MGAT4C: variants seen among roughly 807,000 people sequenced by gnomAD.
MGAT4C encodes MGAT4 family member C, also known as alpha-1,3-mannosyl-glycoprotein 4-beta-N-acetylglucosaminyltransferase C.
A neutral mutation model predicts 40.1 loss-of-function variants in MGAT4C; 19 were observed. The observed-to-expected ratio is 0.47, with a 90% CI of 0.33 to 0.70. The LOEUF (loss-of-function observed/expected upper bound fraction) is 0.70. Among genes scored for constraint, MGAT4C ranks in the 30% least tolerant of loss-of-function variants. MGAT4C has a pLI of 0.02. For synonymous variants in MGAT4C, 181 were observed against 187.1 expected, an observed-to-expected ratio of 0.97 and a Z score of 0.27; for missense variants, 491 against 563.2, an observed-to-expected ratio of 0.87 and a Z score of 1.30.
At chr12:86,548,588 A>G (rs1262731103) in intron 2 of MGAT4C, among the ~76,000 whole-genome samples, 2 of 152,150 alleles carry the variant, frequency 1.3e-5, no homozygotes, top group African/African-American at 4.8e-5. Context: ...AGCCAGATGA[A>G]CATTTTAGGC....
chr12:86,328,371 A>G (rs1346474100), intron 4 of MGAT4C, among the ~76,000 whole-genome samples: 1 of 152,152 alleles, frequency 6.6e-6, no homozygotes, highest in Non-Finnish European at 1.5e-5. Flanking sequence ...AAATGTTGGA[A>G]TGGAAGTCTT....
Position 86,303,597 on chromosome 12 carries a change from A to T in MGAT4C, c.-57+30468T>A, listed in dbSNP as rs944340559. 4.0e-5 allele frequency among the ~76,000 whole-genome samples: 6 copies of T among 149,404 alleles called. 1 individual carries two copies. In the East Asian group the frequency reaches 9.8e-4, roughly 24 times the overall value. ...ATAAAACTACTGCAATCCAGAGTTT[A>T]AAAAAAAATCAAATTCTTTTCTCTG... On this transcript the variant is annotated intron_variant, in intron 4 of 7. Coordinates refer to the MGAT4C transcript ENST00000548651.
chr12:86,278,890 G>A (rs1953143261), intron 4 of MGAT4C, among the ~76,000 whole-genome samples: 1 of 151,576 alleles, frequency 6.6e-6, no homozygotes, highest in South Asian at 2.1e-4. Context: ...ATGAAGTAAT[G>A]TTGAATTTTA....
intron 3 of MGAT4C, among the ~76,000 whole-genome samples, chr12:86,418,305 C>G (rs192062742): frequency 2.8e-4 from 42 of 152,098 alleles, no homozygotes; most frequent in African/African-American, 1.0e-3. Context: ...GTTTTTAACA[C>G]ATAAGAGGTA....
intron 1 of MGAT4C, among the ~76,000 whole-genome samples, chr12:86,746,247 A>G (rs1951149694): frequency 6.6e-6 from 1 of 151,694 alleles, no homozygotes; most frequent in Non-Finnish European, 1.5e-5. Flanking sequence ...ATCCTTTTAA[A>G]GCAGAAATTT....
intron 2 of MGAT4C, among the ~76,000 whole-genome samples, chr12:86,685,211 C>T (rs1014130287): frequency 6.6e-6 from 1 of 151,998 alleles, no homozygotes; most frequent in African/African-American, 2.4e-5. Flanking sequence ...TTAATTTTTA[C>T]ATGAGGTGTA....
intron 2 of MGAT4C, among the ~76,000 whole-genome samples, chr12:86,496,132 T>C (rs1432153395): frequency 6.6e-6 from 1 of 152,008 alleles, no homozygotes; most frequent in Non-Finnish European, 1.5e-5. Context: ...CAGCAGGACC[T>C]AGATAATTGT....
chr12:86,827,498 ATACTTG>A (rs774319725), intron 1 of MGAT4C, among the ~76,000 whole-genome samples: 1 of 151,524 alleles, frequency 6.6e-6, no homozygotes, highest in Admixed American at 6.6e-5. Context: ...AGTCATGAGT[ATACTTG>A]TAGATTTAGA....
intron 2 of MGAT4C, among the ~76,000 whole-genome samples, chr12:86,497,933 ATAT>A (rs1958271094): frequency 7.0e-6 from 1 of 142,082 alleles, no homozygotes; most frequent in Admixed American, 7.3e-5. Flanking sequence ...CACACATATA[ATAT>A]TATATATAAT....
intron 3 of MGAT4C, among the ~76,000 whole-genome samples, chr12:86,420,738 G>A (rs1026254448): frequency 1.3e-5 from 2 of 150,212 alleles, no homozygotes; most frequent in African/African-American, 4.9e-5. Context: ...TACTTGAACA[G>A]TTTGGCCATA....
intron 2 of MGAT4C, among the ~76,000 whole-genome samples, chr12:86,483,510 T>C (rs912205326): frequency 3.3e-5 from 5 of 151,886 alleles, no homozygotes; most frequent in Non-Finnish European, 7.4e-5. Flanking sequence ...ATCAAAAGGT[T>C]TTGTGGAGTG....
chr12:86,255,096 C>G (rs1952462101), intron 1 of MGAT4C, among the ~76,000 whole-genome samples: 1 of 151,998 alleles, frequency 6.6e-6, no homozygotes, highest in Non-Finnish European at 1.5e-5. Context: ...ATCTAAAAAG[C>G]ATAAGCACAT....
rs115662344 is a variant in MGAT4C at position 86,244,658 on chromosome 12, T to C, written c.-57+11581A>G. Among the ~76,000 whole-genome samples the C allele has an allele frequency of 3.2e-3, 484 of 152,104 alleles. 2 individuals carry two copies. Among genetic ancestry groups the C allele is most frequent in the African/African-American group, 0.011 (451 of 41,486 alleles). ...CTAATGGGGGACACAGAGAAGGCAATGGTCAATTTAAATACATTACAGGGA... is the reference window on the plus strand; with the variant it reads ...CTAATGGGGGACACAGAGAAGGCAACGGTCAATTTAAATACATTACAGGGA... On this transcript the variant is annotated intron_variant, in intron 1 of 4. Transcript: ENST00000611864.
At chr12:86,514,782 AT>A (rs1446494502) in intron 2 of MGAT4C, among the ~76,000 whole-genome samples, 1 of 152,146 alleles carries the variant, frequency 6.6e-6, no homozygotes, top group African/African-American at 2.4e-5. Flanking sequence ...GGTTCCAGAG[AT>A]TAGAATGTGA....
chr12:86,686,248 G>T (rs1422632401), intron 2 of MGAT4C, among the ~76,000 whole-genome samples: 1 of 152,040 alleles, frequency 6.6e-6, no homozygotes, highest in African/African-American at 2.4e-5. Context: ...TCAGCTTAAG[G>T]AGTTTGGGGG....
rs912277335 is a variant in MGAT4C, at chr12:85,961,740, A to T, written c.*17549T>A. Reference sequence around the variant, plus strand: ...GTTGGCATGAGAGTTCCCACTTTGTATTATAATAGGCAAATTGATACACAC... The same window carrying T: ...GTTGGCATGAGAGTTCCCACTTTGTTTTATAATAGGCAAATTGATACACAC... On this transcript the variant is annotated 3_prime_UTR_variant, in exon 5 of 5. Coordinates refer to ENST00000611864, the MANE Select transcript of MGAT4C (RefSeq NM_001351288.2). 2.0e-5 allele frequency: 3 copies of T among 151,904 alleles called. No homozygotes were observed. The highest frequency in any genetic ancestry group is 6.6e-5 in the Admixed American group (1 of 15,230). The allele number at this position is 151,904 out of a possible 1,614,324, so 9.4% of individuals were successfully genotyped here. A position where few individuals can be genotyped will look rare whatever the true frequency, so the allele number is the denominator to read the frequency against.
rs1239249590 is a variant in MGAT4C, at chr12:86,192,095, G to T, written c.-57+64144C>A. Among the ~76,000 whole-genome samples, 10 of 106,612 alleles carry T rather than the reference G, an allele frequency of 9.4e-5. No homozygotes were observed. In the Admixed American group the frequency reaches 1.3e-3, roughly 14 times the overall value. 69.9% of individuals were successfully genotyped at this position (106,612 alleles called of 152,430 possible). A position where few individuals can be genotyped will look rare whatever the true frequency, so the allele number is the denominator to read the frequency against. On this transcript the variant is annotated intron_variant, in intron 1 of 4. Coordinates refer to ENST00000611864, the MANE Select transcript of MGAT4C (RefSeq NM_001351288.2). ...ACATCACATACCAGGGCCTGTTGTGGGGTGGGGGGAGGGGGGAGGGATAGC... is the reference window on the plus strand; with the variant it reads ...ACATCACATACCAGGGCCTGTTGTGTGGTGGGGGGAGGGGGGAGGGATAGC...
intron 1 of MGAT4C, among the ~76,000 whole-genome samples, chr12:86,064,247 C>G (rs1894285228): frequency 6.6e-6 from 1 of 152,084 alleles, no homozygotes; most frequent in Admixed American, 6.6e-5. Context: ...TTAAGAAACT[C>G]ACTCAACCTG....
Position 86,368,937 on chromosome 12 carries a change from G to T in MGAT4C, c.-119-34810C>A, listed in dbSNP as rs189639242. Among the ~76,000 whole-genome samples the T allele has an allele frequency of 3.0e-3, 453 of 151,932 alleles. 2 individuals are homozygous for T. The highest frequency in any genetic ancestry group is 0.01 in the African/African-American group (431 of 41,500). Reference sequence around the variant, plus strand: ...TCTGCTGTTTCCTTATTGATTTTCTGCCTGATATGTCTATTATTGTAAGTG... The same window carrying T: ...TCTGCTGTTTCCTTATTGATTTTCTTCCTGATATGTCTATTATTGTAAGTG... On this transcript the variant is annotated intron_variant, in intron 3 of 7. Transcript: ENST00000548651.
Sources: gnomAD v4.1 joint callset for allele counts (sites outside exome capture counted in the v4.1 genomes callset) on GRCh38, gnomAD v4.1.1 for gene constraint, MANE v1.5 for transcripts, NCBI Gene and HGNC (gene_info 2026-07-23, HGNC 2026-07-21) for gene names.